Variants in RORA observed in about 807,000 individuals in gnomAD.
RORA encodes the protein nuclear receptor ROR-alpha.
Under a neutral mutation model 69.5 loss-of-function variants are expected in RORA, and 7 were observed. The ratio of observed to expected loss-of-function variants is 0.10; its 90% CI spans 0.06 to 0.19. The LOEUF (loss-of-function observed/expected upper bound fraction) is 0.19. Among genes scored for constraint, RORA ranks in the 10% least tolerant of loss-of-function variants. The pLI is 1.00. For synonymous variants in RORA, 261 were observed against 240.8 expected (o/e 1.08, Z -0.78); for missense variants, 457 against 663.0 (o/e 0.69, Z 3.41).
intron 1 of RORA, among the ~76,000 whole-genome samples, chr15:61,216,500 T>C (rs2080041872): frequency 6.6e-6 from 1 of 151,912 alleles, no homozygotes; most frequent in Admixed American, 6.6e-5. Flanking sequence ...GATGTGATTT[T>C]TTTTTTTGGC....
chr15:60,512,649 G>C (rs899059469), intron 4 of RORA, among the ~76,000 whole-genome samples: 1 of 152,148 alleles, frequency 6.6e-6, no homozygotes, highest in Non-Finnish European at 1.5e-5. Flanking sequence ...CACAGCATCA[G>C]GATTTGGAAA....
rs1596088987 is a variant in RORA, at chr15:61,229,297, T to G, written c.-79A>C. On this transcript the variant is annotated 5_prime_UTR_variant, in exon 1 of 11. Coordinates refer to ENST00000335670, the MANE Select transcript of RORA (RefSeq NM_134261.3). The stretch of plus-strand genomic sequence containing the variant: ...ATCTTCTGTTTTCAGAGCAACTCTA[T>G]GGTACCAAAAAAAAAAAAAAAAAAA... The G allele has an allele frequency of 1.7e-5, 1 of 59,788 alleles. No homozygotes were observed. The highest frequency in any genetic ancestry group is 2.7e-5 in the Non-Finnish European group (1 of 37,258). The allele number at this position is 59,788 out of a possible 1,614,324, so 3.7% of individuals were successfully genotyped here.
intron 1 of RORA, among the ~76,000 whole-genome samples, chr15:61,189,543 G>A (rs1225138161): frequency 6.6e-6 from 1 of 152,100 alleles, no homozygotes; most frequent in Non-Finnish European, 1.5e-5. Flanking sequence ...AGCCTCCACA[G>A]GGCCCCAGGT....
chr15:60,851,706 A>G (rs527967531), intron 1 of RORA, among the ~76,000 whole-genome samples: 322 of 150,808 alleles, frequency 2.1e-3, no homozygotes, highest in African/African-American at 7.1e-3. Context: ...GCAATATTAT[A>G]TGTGTGTGTG....
At chr15:60,630,888 CTTTTTTTT>C (rs542275787) in intron 2 of RORA, among the ~76,000 whole-genome samples, 2 of 109,902 alleles carry the variant, frequency 1.8e-5, no homozygotes, top group African/African-American at 7.6e-5. Flanking sequence ...ATGAGACTTT[CTTTTTTTT>C]TTTTTTTTTG....
At chr15:60,995,040 C>G (rs1037156728) in intron 1 of RORA, among the ~76,000 whole-genome samples, 1 of 151,580 alleles carries the variant, frequency 6.6e-6, no homozygotes, top group Non-Finnish European at 1.5e-5. Context: ...CAATGGCTCT[C>G]GCCGCATAAA....
intron 2 of RORA, chr15:60,593,177 G>T (rs1213611972): frequency 3.5e-6 from 1 of 288,068 alleles, no homozygotes; most frequent in African/African-American, 2.3e-5. Context: ...GCAACCCTTG[G>T]ATATTGGCAG....
At chr15:61,040,145 T>A (rs1167555919) in intron 1 of RORA, among the ~76,000 whole-genome samples, 4 of 103,912 alleles carry the variant, frequency 3.8e-5, no homozygotes, top group East Asian at 6.9e-4. Context: ...TATATATATA[T>A]ATATATATAT....
chr15:60,820,038 A>T (rs2072873593), intron 1 of RORA, among the ~76,000 whole-genome samples: 1 of 152,202 alleles, frequency 6.6e-6, no homozygotes. Context: ...CCAAACTAAA[A>T]GTGTTCATGC....
chr15:60,550,757 A>G (rs1204973529), intron 2 of RORA, among the ~76,000 whole-genome samples: 1 of 152,216 alleles, frequency 6.6e-6, no homozygotes, highest in African/African-American at 2.4e-5. Context: ...TGCTACCCTA[A>G]TTCTGAAATA....
intron 2 of RORA, among the ~76,000 whole-genome samples, chr15:60,611,559 C>CAAAA (rs533598270): frequency 0.047 from 1,672 of 35,726 alleles, 516 homozygotes; most frequent in South Asian, 0.11. Flanking sequence ...TTGAGTTTTG[C>CAAAA]AAAAAAAAAA....
At chr15:60,504,428 T>G (rs2065431422) in intron 6 of RORA, among the ~76,000 whole-genome samples, 1 of 152,058 alleles carries the variant, frequency 6.6e-6, no homozygotes, top group Non-Finnish European at 1.5e-5. Flanking sequence ...ACACCGGTAC[T>G]CCCAGCTACT....
intron 1 of RORA, among the ~76,000 whole-genome samples, chr15:61,218,660 T>C (rs2140944798): frequency 7.2e-6 from 1 of 138,280 alleles, no homozygotes; most frequent in South Asian, 2.5e-4. Context: ...TCCAAGTTAA[T>C]TTACTAATAT....
At chr15:60,653,743 T>C (rs943535003) in intron 2 of RORA, among the ~76,000 whole-genome samples, 2 of 151,944 alleles carry the variant, frequency 1.3e-5, no homozygotes, top group Non-Finnish European at 2.9e-5. Context: ...AGTCCGACTG[T>C]GTCTGCCTCT....
At chr15:61,119,548 A>G (rs1454098826) in intron 1 of RORA, among the ~76,000 whole-genome samples, 1 of 151,670 alleles carries the variant, frequency 6.6e-6, no homozygotes, top group East Asian at 1.9e-4. Context: ...TACTCAAGCC[A>G]CCTGCCTGTC....
intron 1 of RORA, among the ~76,000 whole-genome samples, chr15:61,142,574 C>T (rs1166438585): frequency 6.6e-6 from 1 of 152,068 alleles, no homozygotes; most frequent in Non-Finnish European, 1.5e-5. Context: ...AGTCAGATCA[C>T]TCTAATTTAT....
At chr15:60,865,110 C>A (rs1013928103) in intron 1 of RORA, among the ~76,000 whole-genome samples, 23 of 152,180 alleles carry the variant, frequency 1.5e-4, no homozygotes, top group African/African-American at 4.6e-4. Context: ...AACGTTCTTT[C>A]CACCACATTC....
intron 1 of RORA, among the ~76,000 whole-genome samples, chr15:61,059,751 T>C (rs527863934): frequency 8.5e-5 from 13 of 152,062 alleles, no homozygotes; most frequent in Non-Finnish European, 5.9e-5. Flanking sequence ...GGACAGATGG[T>C]ATCAAGGAGA....
At chr15:60,939,448 T>A (rs1278625203) in intron 1 of RORA, among the ~76,000 whole-genome samples, 1 of 152,174 alleles carries the variant, frequency 6.6e-6, no homozygotes, top group Non-Finnish European at 1.5e-5. Flanking sequence ...ACGCACGTGC[T>A]CACTTGCAAC....
Sources: allele counts gnomAD v4.1 joint callset (sites outside exome capture counted in the v4.1 genomes callset), GRCh38; gene constraint gnomAD v4.1.1; transcripts MANE v1.5; gene names NCBI Gene and HGNC (gene_info 2026-07-23, HGNC 2026-07-21).